Variants in ICMT observed in about 807,000 individuals in gnomAD.
ICMT encodes isoprenylcysteine carboxyl methyltransferase, also known as protein-S-isoprenylcysteine O-methyltransferase.
Under a neutral mutation model 32.2 loss-of-function variants are expected in ICMT, and 10 were observed. The ratio of observed to expected loss-of-function variants is 0.31; its 90% CI spans 0.19 to 0.53. ICMT has a LOEUF of 0.53. Among genes scored for constraint, ICMT ranks in the 20% least tolerant of loss-of-function variants. The probability of loss-of-function intolerance (pLI) is 0.96; values close to 1 mark genes in which losing one functional copy is unlikely to be tolerated. For missense variants in ICMT, 265 were observed against 356.9 expected, an observed-to-expected ratio of 0.74 and a Z score of 2.07; for synonymous variants, 183 against 158.2, an observed-to-expected ratio of 1.16 and a Z score of -1.18.
chr1:6,228,925 G>T (rs936708472), intron 4 of ICMT, among the ~76,000 whole-genome samples: 2 of 151,706 alleles, frequency 1.3e-5, no homozygotes, highest in Admixed American at 6.6e-5. Flanking sequence ...CCAGCTACTC[G>T]CGGGGGCTGA....
intron 2 of ICMT, 30 bp from the exon 3 acceptor site, chr1:6,233,673 G>T: frequency 1.3e-6 from 2 of 1,590,616 alleles, no homozygotes; most frequent in Admixed American, 1.7e-5. Context: ...GAGTTAAGTT[G>T]GGACAAGAGA....
Position 6,222,645 on chromosome 1 carries a change from G to A in ICMT, c.*2435C>T, listed in dbSNP as rs1668574339. 1 of 152,214 alleles carries A rather than the reference G, an allele frequency of 6.6e-6. No homozygotes were observed. The highest frequency in any genetic ancestry group is 2.1e-4 in the South Asian group (1 of 4,830). The allele number at this position is 152,214 out of a possible 1,614,324, so 9.4% of individuals were successfully genotyped here. On this transcript the variant is annotated 3_prime_UTR_variant, in exon 5 of 5. Transcript: ENST00000343813. ...GCTCCTTCCAGCTGGTGGGCCTGGT[G>A]TGAAGGTGGGCTTCCTGGGCCTCTG...
chr1:6,230,317 G>A (rs558173275), intron 4 of ICMT, among the ~76,000 whole-genome samples: 1 of 152,298 alleles, frequency 6.6e-6, no homozygotes, highest in African/African-American at 2.4e-5. Context: ...GTTTTGCCAT[G>A]TTGGCTAGGC....
intron 2 of ICMT, 86 bp downstream of exon 2, chr1:6,234,800 T>G: frequency 9.9e-7 from 1 of 1,008,900 alleles, no homozygotes; most frequent in Non-Finnish European, 1.6e-6. Flanking sequence ...CGGTCACAGA[T>G]GAGACAGGGA....
In ICMT at chr1:6,234,906, A is replaced by C. The variant is rs775200107; in HGVS notation, c.264T>G (p.Ser88=). The stretch of plus-strand genomic sequence containing the variant: ...CTTACCAGCCAAAGTGACTCCAAGA[A>C]GACTGGCTAAAACTTAGCAGCGTGC... The part of the protein sequence containing the change: ...GCGTLLSFSQ[S]SWSHFGWYMC... Residue 88 remains serine, a synonymous_variant, in exon 2 of 5, where the codon TCT becomes TCG. Coordinates refer to ENST00000343813, the MANE Select transcript of ICMT (RefSeq NM_012405.4). 1.5e-5 allele frequency: 25 copies of C among 1,613,942 alleles called. No individual in the cohort carries two copies. The highest frequency in any genetic ancestry group is 2.0e-5 in the Non-Finnish European group (24 of 1,179,860).
At position 6,235,679 on chromosome 1, in the gene ICMT, CGCCCCGCCGGCCCCCGCCGG is replaced by C. The variant is rs1337731392; in HGVS notation, c.195+18_195+37del. The C allele has an allele frequency of 1.7e-6, 2 of 1,144,008 alleles. No individual in the cohort carries two copies. The highest frequency in any genetic ancestry group is 3.3e-5 in the African/African-American group (2 of 60,280). 70.9% of individuals were successfully genotyped at this position (1,144,008 alleles called of 1,614,324 possible). A position where few individuals can be genotyped will look rare whatever the true frequency, so the allele number is the denominator to read the frequency against. ...GCGCCGCGCCAAGCGGACCGCCGCC[CGCCCCGCCGGCCCCCGCCGG>C]CCCCCGCCGGCCTGCACCTGGTAGC... On this transcript the variant is annotated intron_variant, in intron 1 of 4. Coordinates refer to ENST00000343813, the MANE Select transcript of ICMT (RefSeq NM_012405.4).
intron 4 of ICMT, among the ~76,000 whole-genome samples, chr1:6,227,511 C>A (rs924989523): frequency 1.3e-5 from 2 of 152,192 alleles, no homozygotes; most frequent in African/African-American, 4.8e-5. Context: ...TATTCACATT[C>A]TTTGGCCAAG....
chr1:6,235,059 C>T (rs1187920140), intron 1 of ICMT, 85 bp from the exon 2 acceptor site: 32 of 1,061,988 alleles, frequency 3.0e-5, no homozygotes, highest in Non-Finnish European at 4.5e-5. Flanking sequence ...ATAGGCAACC[C>T]ACAGGCAAGC....
chr1:6,223,602 G>C lies in ICMT; in HGVS notation c.*1478C>G, dbSNP rs1236863182. 2 of 152,242 alleles carry C rather than the reference G, an allele frequency of 1.3e-5. No individual in the cohort carries two copies. The highest frequency in any genetic ancestry group is 2.4e-5 in the African/African-American group (1 of 41,444). The allele number at this position is 152,242 out of a possible 1,614,324, so 9.4% of individuals were successfully genotyped here. On this transcript the variant is annotated 3_prime_UTR_variant, in exon 5 of 5. Transcript: ENST00000343813. Reference sequence around the variant, plus strand: ...CCCATTTTTGTGTAGCTTTCATACAGTACAGATTTCATTGATGTCGCTCCC... The same window carrying C: ...CCCATTTTTGTGTAGCTTTCATACACTACAGATTTCATTGATGTCGCTCCC...
chr1:6,226,509 G>C (rs944383069), intron 4 of ICMT, among the ~76,000 whole-genome samples: 5 of 152,156 alleles, frequency 3.3e-5, no homozygotes, highest in Non-Finnish European at 7.3e-5. Flanking sequence ...CTGGTCCCCT[G>C]TGGATGTGCA....
rs766617410 is a variant in ICMT, at chr1:6,223,835, A to T, written c.*1245T>A. 6.6e-6 allele frequency: 1 copy of T among 152,204 alleles called. No homozygotes were observed. The highest frequency in any genetic ancestry group is 1.5e-5 in the Non-Finnish European group (1 of 68,042). 9.4% of individuals were successfully genotyped at this position (152,204 alleles called of 1,614,324 possible). A position where few individuals can be genotyped will look rare whatever the true frequency, so the allele number is the denominator to read the frequency against. ...TTCACATTCACACTTCTTCAGTGCCACCGCAACACTGCATGGCAGGATCTC... is the reference window on the plus strand; with the variant it reads ...TTCACATTCACACTTCTTCAGTGCCTCCGCAACACTGCATGGCAGGATCTC... On this transcript the variant is annotated 3_prime_UTR_variant, in exon 5 of 5. Transcript: ENST00000343813.
chr1:6,225,326 G>T, intron 4 of ICMT, 64 bp from the exon 5 acceptor site: 2 of 1,494,622 alleles, frequency 1.3e-6, no homozygotes, highest in Non-Finnish European at 1.8e-6. Context: ...GCTTTGGTAG[G>T]CGTCTGTCTC....
chr1:6,226,344 T>C (rs1206318458), intron 4 of ICMT, among the ~76,000 whole-genome samples: 1 of 152,060 alleles, frequency 6.6e-6, no homozygotes, highest in African/African-American at 2.4e-5. Flanking sequence ...TGCAGTGAGC[T>C]GAGATCGCCA....
chr1:6,232,173 TC>T, intron 3 of ICMT, 54 bp from the exon 4 acceptor site: 1 of 1,359,100 alleles, frequency 7.4e-7, no homozygotes, highest in Non-Finnish European at 1.0e-6. Context: ...TGGCCTGAGC[TC>T]CCCTTCGCAC....
In ICMT at chr1:6,223,573, T is replaced by C. The variant is rs960703509; in HGVS notation, c.*1507A>G. ...GGTATCTGGCACAATTAACCAAATG[T>C]CTGCCCATTTTTGTGTAGCTTTCAT... On this transcript the variant is annotated 3_prime_UTR_variant, in exon 5 of 5. Coordinates refer to ENST00000343813, the MANE Select transcript of ICMT (RefSeq NM_012405.4). 6.6e-6 allele frequency: 1 copy of C among 152,330 alleles called. No homozygotes were observed. The highest frequency in any genetic ancestry group is 6.5e-5 in the Admixed American group (1 of 15,282). 9.4% of individuals were successfully genotyped at this position (152,330 alleles called of 1,614,324 possible).
chr1:6,224,936 C>T lies in ICMT; in HGVS notation c.*144G>A, dbSNP rs1446664200. 32 of 782,330 alleles carry T rather than the reference C, an allele frequency of 4.1e-5. No individual in the cohort carries two copies. Among genetic ancestry groups the T allele is most frequent in the Middle Eastern group, 3.8e-4 (1 of 2,600 alleles). 48.5% of individuals were successfully genotyped at this position (782,330 alleles called of 1,614,324 possible). A position where few individuals can be genotyped will look rare whatever the true frequency, so the allele number is the denominator to read the frequency against. ...GCCTTGGGTCCTCAGGCCTTCTGAC[C>T]GCTTGGTCTTGAGTGACATTCCAGA... On this transcript the variant is annotated 3_prime_UTR_variant, in exon 5 of 5. Coordinates refer to ENST00000343813, the MANE Select transcript of ICMT (RefSeq NM_012405.4).
chr1:6,235,020 T>A, intron 1 of ICMT, 46 bp from the exon 2 acceptor site: 1 of 1,496,018 alleles, frequency 6.7e-7, no homozygotes, highest in South Asian at 1.1e-5. Flanking sequence ...GTCCTCAGAG[T>A]ACAGATCTGG....
Position 6,233,587 on chromosome 1 carries a change from T to C in ICMT, c.341A>G (p.Asn114Ser), listed in dbSNP as rs41278924. The C allele has an allele frequency of 3.3e-3, 5,398 of 1,614,048 alleles. 14 individuals are homozygous for C. Among genetic ancestry groups the C allele is most frequent in the Non-Finnish European group, 3.9e-3 (4,646 of 1,179,888 alleles). Residue 114 changes from asparagine to serine, a missense_variant, in exon 3 of 5, where the codon AAT (asparagine) becomes AGT (serine). Asn to Ser is a conservative substitution (Grantham distance 46). This residue lies in a region of ICMT where 166 missense variants were observed against 264.3 expected (regional missense o/e 0.63). Coordinates refer to ENST00000343813, the MANE Select transcript of ICMT (RefSeq NM_012405.4). The stretch of plus-strand genomic sequence containing the variant: ...ATCCAAGGACAGACTTTTGGGATTA[T>C]TGACTGCTGTCACCAAGTATTCAGA... Reference protein sequence around the residue: ...HYSEYLVTAVNNPKSLSLDSF... With the variant: ...HYSEYLVTAVSNPKSLSLDSF...
At chr1:6,230,315 A>G (rs865938734) in intron 4 of ICMT, among the ~76,000 whole-genome samples, 1 of 152,162 alleles carries the variant, frequency 6.6e-6, no homozygotes, top group Non-Finnish European at 1.5e-5. Context: ...GGGTTTTGCC[A>G]TGTTGGCTAG....
Sources: allele counts gnomAD v4.1 joint callset (sites outside exome capture counted in the v4.1 genomes callset), GRCh38; gene constraint gnomAD v4.1.1; regional missense constraint gnomAD v4.1.1; transcripts MANE v1.5; gene names NCBI Gene and HGNC (gene_info 2026-07-23, HGNC 2026-07-21).